Variants in CTNNA3 observed in about 807,000 individuals in gnomAD.
The protein encoded by CTNNA3 is catenin alpha 3, also known as catenin alpha-3.
A neutral mutation model predicts 95.7 loss-of-function variants in CTNNA3; 76 were observed. That is an observed-to-expected ratio of 0.79 (90% CI 0.66 to 0.96). The LOEUF is 0.96. CTNNA3 is among the 40% of genes least tolerant of loss of function. CTNNA3 has a pLI of 0.00. For synonymous variants in CTNNA3, 431 were observed against 374.4 expected (o/e 1.15, Z -1.74); for missense variants, 1,191 against 1,089.8 (o/e 1.09, Z -1.31).
chr10:66,021,133 C>T (rs962109695), intron 15 of CTNNA3, among the ~76,000 whole-genome samples: 3 of 152,038 alleles, frequency 2.0e-5, no homozygotes, highest in Admixed American at 6.6e-5. Flanking sequence ...CTATTTGTCA[C>T]GGACATGACT....
chr10:66,813,292 T>G (rs1411145617), intron 7 of CTNNA3, among the ~76,000 whole-genome samples: 2 of 152,182 alleles, frequency 1.3e-5, no homozygotes, highest in Non-Finnish European at 2.9e-5. Flanking sequence ...TGGGATCTTG[T>G]CTAATAAAAC....
chr10:67,413,850 A>G (rs1404567441), intron 5 of CTNNA3, among the ~76,000 whole-genome samples: 6 of 152,160 alleles, frequency 3.9e-5, no homozygotes. Context: ...GAACATAGAA[A>G]TTAAGGCAGA....
chr10:67,080,042 G>A (rs1409292191), intron 7 of CTNNA3, among the ~76,000 whole-genome samples: 1 of 152,142 alleles, frequency 6.6e-6, no homozygotes, highest in Non-Finnish European at 1.5e-5. Flanking sequence ...TCTTCCTACA[G>A]CATGCAGAAT....
intron 2 of CTNNA3, among the ~76,000 whole-genome samples, chr10:67,608,413 G>T (rs763782040): frequency 9.2e-5 from 14 of 151,782 alleles, no homozygotes; most frequent in Non-Finnish European, 1.5e-4. Context: ...TCTCATTTTT[G>T]ACTGTTTTAT....
chr10:67,631,246 C>T (rs866169842), intron 2 of CTNNA3, among the ~76,000 whole-genome samples: 14 of 152,040 alleles, frequency 9.2e-5, no homozygotes, highest in Middle Eastern at 3.4e-3. Flanking sequence ...TGAAATATAT[C>T]CCAGGCTAAA....
In CTNNA3 at chr10:66,609,543, A is replaced by G. The variant is rs182256750; in HGVS notation, c.1374+12149T>C. On this transcript the variant is annotated intron_variant, in intron 10 of 17. Coordinates refer to ENST00000433211, the MANE Select transcript of CTNNA3 (RefSeq NM_013266.4). ...CATTAGAGAAATACAAATCAAAACC[A>G]CAATCAAATGCTATCTCACACCAGT... 1.4e-4 allele frequency among the ~76,000 whole-genome samples: 22 copies of G among 151,884 alleles called. No homozygotes were observed. In the East Asian group the frequency reaches 4.3e-3, roughly 29 times the overall value.
At chr10:65,948,132 T>C (rs2077548704) in intron 17 of CTNNA3, among the ~76,000 whole-genome samples, 1 of 151,856 alleles carries the variant, frequency 6.6e-6, no homozygotes, top group Non-Finnish European at 1.5e-5. Flanking sequence ...TTTTAAAAAA[T>C]TAGCTGGGCG....
chr10:67,234,651 A>G lies in CTNNA3; in HGVS notation c.580-14781T>C, dbSNP rs1056746683. 8.0e-4 allele frequency among the ~76,000 whole-genome samples: 121 copies of G among 151,914 alleles called. 1 individual carries two copies. Among genetic ancestry groups the G allele is most frequent in the African/African-American group, 2.8e-3 (117 of 41,390 alleles). On this transcript the variant is annotated intron_variant, in intron 5 of 17. Transcript: ENST00000433211. ...CACTCCTATTCAACATAGTGTTGGA[A>G]GTTCTGGCCAGGGCAATTAGGCAGG...
chr10:66,863,009 T>C (rs7100900), intron 7 of CTNNA3, among the ~76,000 whole-genome samples: 132,662 of 152,026 alleles, frequency 0.87, 58,268 homozygotes, highest in African/African-American at 0.97. Context: ...TCAGCTCTGC[T>C]TGAGCTGCAA....
intron 7 of CTNNA3, among the ~76,000 whole-genome samples, chr10:66,811,705 C>T (rs1288737739): frequency 6.6e-6 from 1 of 152,128 alleles, no homozygotes; most frequent in Non-Finnish European, 1.5e-5. Context: ...AAATTTATAC[C>T]ATGTGCTAGG....
chr10:66,752,598 A>G (rs2132732581), intron 9 of CTNNA3, among the ~76,000 whole-genome samples: 1 of 152,278 alleles, frequency 6.6e-6, no homozygotes, highest in South Asian at 2.1e-4. Flanking sequence ...TTGAAATTAA[A>G]TGTTCTGCCA....
intron 7 of CTNNA3, among the ~76,000 whole-genome samples, chr10:67,048,168 T>C (rs1854866227): frequency 6.6e-6 from 1 of 152,082 alleles, no homozygotes; most frequent in Non-Finnish European, 1.5e-5. Context: ...TCCCCTGCCA[T>C]GTTCATGAGG....
intron 9 of CTNNA3, among the ~76,000 whole-genome samples, chr10:66,631,150 C>T (rs1341512027): frequency 6.6e-6 from 1 of 152,148 alleles, no homozygotes; most frequent in Non-Finnish European, 1.5e-5. Flanking sequence ...TTTTATGAAT[C>T]CTCAATCACA....
intron 5 of CTNNA3, among the ~76,000 whole-genome samples, chr10:67,284,676 CA>C (rs1839524643): frequency 6.6e-6 from 1 of 152,090 alleles, no homozygotes; most frequent in Admixed American, 6.6e-5. Flanking sequence ...ATAAAGTAAT[CA>C]GGGTAATATT....
chr10:66,458,962 C>G (rs921447711), intron 11 of CTNNA3, among the ~76,000 whole-genome samples: 1 of 152,076 alleles, frequency 6.6e-6, no homozygotes. Context: ...CAACATGGGT[C>G]TGAACTGCAT....
intron 12 of CTNNA3, among the ~76,000 whole-genome samples, chr10:66,284,291 C>A (rs1475543831): frequency 1.3e-5 from 2 of 151,896 alleles, no homozygotes; most frequent in Admixed American, 6.6e-5. Context: ...TCTCATAATC[C>A]TCACGGAAGC....
At chr10:67,747,030 C>G (rs1014359804) in intron 1 of CTNNA3, among the ~76,000 whole-genome samples, 2 of 152,204 alleles carry the variant, frequency 1.3e-5, no homozygotes, top group Non-Finnish European at 2.9e-5. Flanking sequence ...CAGATTGCCT[C>G]TTTAGGCCAG....
At position 67,407,934 on chromosome 10, in the gene CTNNA3, A is replaced by T. The variant is rs960177103; in HGVS notation, c.579+113908T>A. Among the ~76,000 whole-genome samples the T allele has an allele frequency of 2.0e-5, 3 of 152,018 alleles. No homozygotes were observed. In the South Asian group the frequency reaches 6.2e-4, roughly 32 times the overall value. On this transcript the variant is annotated intron_variant, in intron 5 of 17. Transcript: ENST00000433211. ...ATCAGAGATGACACAAACAAATGGGAAATCATTCAACAACAGGCAAGTAGA... is the reference window on the plus strand; with the variant it reads ...ATCAGAGATGACACAAACAAATGGGTAATCATTCAACAACAGGCAAGTAGA...
At chr10:67,194,432 C>T (rs910799593) in intron 6 of CTNNA3, among the ~76,000 whole-genome samples, 1 of 151,916 alleles carries the variant, frequency 6.6e-6, no homozygotes, top group Non-Finnish European at 1.5e-5. Context: ...AACTTAAATG[C>T]ATATTACTAC....
Sources: gnomAD v4.1 joint callset for allele counts (sites outside exome capture counted in the v4.1 genomes callset) on GRCh38, gnomAD v4.1.1 for gene constraint, MANE v1.5 for transcripts, NCBI Gene and HGNC (gene_info 2026-07-23, HGNC 2026-07-21) for gene names.